LRMDA: variants seen among roughly 807,000 people sequenced by gnomAD.
LRMDA encodes leucine rich melanocyte differentiation associated.
Under a neutral mutation model 29.8 loss-of-function variants are expected in LRMDA, and 18 were observed. The observed-to-expected ratio is 0.60, with a 90% CI of 0.42 to 0.90. The LOEUF (loss-of-function observed/expected upper bound fraction) is 0.90, where lower values mean the gene tolerates loss of function less well. LRMDA is among the 40% of genes least tolerant of loss of function. The pLI is 0.00. For synonymous variants in LRMDA, 125 were observed against 109.4 expected (o/e 1.14, Z -0.89); for missense variants, 273 against 273.9 (o/e 1.00, Z 0.02).
intron 4 of LRMDA, among the ~76,000 whole-genome samples, chr10:76,054,720 C>T (rs562365183): frequency 6.6e-6 from 1 of 151,058 alleles, no homozygotes; most frequent in East Asian, 2.0e-4. Context: ...GTCATAAAGA[C>T]TTTTCTGCTA....
chr10:76,210,469 C>G (rs1851615922), intron 5 of LRMDA, among the ~76,000 whole-genome samples: 1 of 152,162 alleles, frequency 6.6e-6, no homozygotes, highest in Non-Finnish European at 1.5e-5. Context: ...TCTGAGTGTA[C>G]TGTACATAGT....
At position 76,340,961 on chromosome 10, in the gene LRMDA, C is replaced by A. The variant is rs972960385; in HGVS notation, c.601+16476C>A. Reference sequence around the variant, plus strand: ...CCTAATAACATAACAGAACTAAGATCCATTATATCTGTAGTAAAATATATA... The same window carrying A: ...CCTAATAACATAACAGAACTAAGATACATTATATCTGTAGTAAAATATATA... On this transcript the variant is annotated intron_variant, in intron 6 of 6. Transcript: ENST00000611255. Among the ~76,000 whole-genome samples, 36 of 152,066 alleles carry A rather than the reference C, an allele frequency of 2.4e-4. 1 individual carries two copies. Among genetic ancestry groups the A allele is most frequent in the African/African-American group, 8.2e-4 (34 of 41,396 alleles).
At chr10:76,063,269 T>C (rs1269857848) in intron 5 of LRMDA, among the ~76,000 whole-genome samples, 1 of 152,208 alleles carries the variant, frequency 6.6e-6, no homozygotes, top group Non-Finnish European at 1.5e-5. Flanking sequence ...CTGTGAGTAG[T>C]GAGGTGTCTT....
intron 2 of LRMDA, among the ~76,000 whole-genome samples, chr10:75,845,707 CT>C (rs982003376): frequency 7.2e-5 from 11 of 152,176 alleles, no homozygotes; most frequent in African/African-American, 1.2e-4. Flanking sequence ...TGGCTCCCCC[CT>C]GGCACATCTA....
intron 2 of LRMDA, among the ~76,000 whole-genome samples, chr10:75,789,909 T>C (rs1367586911): frequency 6.6e-6 from 1 of 152,100 alleles, no homozygotes; most frequent in Non-Finnish European, 1.5e-5. Flanking sequence ...TTGATATTCA[T>C]AGGGATGGAC....
chr10:75,729,197 A>G (rs901321429), intron 2 of LRMDA, among the ~76,000 whole-genome samples: 1 of 152,256 alleles, frequency 6.6e-6, no homozygotes, highest in East Asian at 1.9e-4. Context: ...GGGCATATAA[A>G]TAGCAGAATC....
chr10:76,213,277 T>G (rs532615721), intron 5 of LRMDA, among the ~76,000 whole-genome samples: 1 of 152,208 alleles, frequency 6.6e-6, no homozygotes. Context: ...TATATGAGAT[T>G]GGGGGGTGTA....
At chr10:75,469,902 C>G (rs1177255075) in intron 2 of LRMDA, among the ~76,000 whole-genome samples, 1 of 152,196 alleles carries the variant, frequency 6.6e-6, no homozygotes, top group African/African-American at 2.4e-5. Context: ...GACTTCTCTC[C>G]TCTTGGTTGT....
At chr10:75,891,620 C>A (rs1469781078) in intron 2 of LRMDA, among the ~76,000 whole-genome samples, 1 of 152,140 alleles carries the variant, frequency 6.6e-6, no homozygotes, top group Non-Finnish European at 1.5e-5. Flanking sequence ...AGAGGGGAAG[C>A]CATTGAAAGG....
At chr10:75,437,688 TTAATAA>T (rs1844276799) in intron 1 of LRMDA, among the ~76,000 whole-genome samples, 1 of 152,186 alleles carries the variant, frequency 6.6e-6, no homozygotes, top group Non-Finnish European at 1.5e-5. Context: ...ATACAGGTAC[TTAATAA>T]TAAATAATCT....
intron 2 of LRMDA, among the ~76,000 whole-genome samples, chr10:75,625,792 G>T (rs2132109460): frequency 6.6e-6 from 1 of 152,112 alleles, no homozygotes; most frequent in Non-Finnish European, 1.5e-5. Context: ...CATAGAGAAA[G>T]GATTTTTAAA....
chr10:76,365,832 T>C (rs972800541), intron 6 of LRMDA, among the ~76,000 whole-genome samples: 4 of 152,216 alleles, frequency 2.6e-5, no homozygotes, highest in African/African-American at 9.6e-5. Flanking sequence ...AGTCAATGTC[T>C]AGAAGGGTTT....
chr10:75,618,382 C>CTATATATATA (rs71477026), intron 2 of LRMDA, among the ~76,000 whole-genome samples: 8 of 77,018 alleles, frequency 1.0e-4, no homozygotes, highest in African/African-American at 2.9e-4. Flanking sequence ...CTCTCTCTCT[C>CTATATATATA]TATATATATA....
chr10:75,616,665 T>G (rs915472194), intron 2 of LRMDA, among the ~76,000 whole-genome samples: 5 of 152,236 alleles, frequency 3.3e-5, no homozygotes, highest in Admixed American at 3.3e-4. Context: ...CAAAGCTAAT[T>G]TCAGTGTAGG....
chr10:75,665,918 T>C (rs538809876), intron 2 of LRMDA, among the ~76,000 whole-genome samples: 1 of 152,350 alleles, frequency 6.6e-6, no homozygotes, highest in East Asian at 1.9e-4. Flanking sequence ...TTTATATCCA[T>C]TTGTAAATTC....
intron 2 of LRMDA, among the ~76,000 whole-genome samples, chr10:75,902,303 G>A (rs896216264): frequency 2.6e-5 from 4 of 152,170 alleles, no homozygotes; most frequent in African/African-American, 2.4e-5. Flanking sequence ...TGGGTTCCGG[G>A]TAATCATAAC....
chr10:75,573,578 C>A (rs1840463543), intron 2 of LRMDA, among the ~76,000 whole-genome samples: 1 of 152,040 alleles, frequency 6.6e-6, no homozygotes, highest in African/African-American at 2.4e-5. Context: ...CTGTTGAGCC[C>A]ATCCATCATA....
intron 2 of LRMDA, among the ~76,000 whole-genome samples, chr10:75,924,216 G>T (rs1335882384): frequency 6.6e-6 from 1 of 152,136 alleles, no homozygotes; most frequent in Non-Finnish European, 1.5e-5. Flanking sequence ...TTAAAGCCGT[G>T]CAATGCAGTG....
chr10:75,464,049 G>A (rs568076392), intron 2 of LRMDA, among the ~76,000 whole-genome samples: 3 of 151,974 alleles, frequency 2.0e-5, no homozygotes, highest in South Asian at 2.1e-4. Flanking sequence ...TGATCTACCC[G>A]CCTCGGCCTC....
Sources: allele counts gnomAD v4.1 joint callset (sites outside exome capture counted in the v4.1 genomes callset), GRCh38; gene constraint gnomAD v4.1.1; transcripts MANE v1.5; gene names NCBI Gene and HGNC (gene_info 2026-07-23, HGNC 2026-07-21).